The following ESPN variants were observed in gnomAD, a reference collection of about 807,000 sequenced individuals.
ESPN encodes the protein autosomal recessive deafness type 36 protein.
In ESPN, 68 loss-of-function variants were observed where a neutral mutation model predicts 77.7. That is an observed-to-expected ratio of 0.87 (90% CI 0.72 to 1.07). ESPN has a LOEUF of 1.07. Ranked by LOEUF, ESPN falls within the 50% of genes least tolerant of loss-of-function variation. The pLI, the probability that ESPN is intolerant of heterozygous loss-of-function variation, is 0.00. For missense variants in ESPN, 1,060 were observed against 1,239.0 expected, an observed-to-expected ratio of 0.86 and a Z score of 2.17; for synonymous variants, 449 against 567.1, an observed-to-expected ratio of 0.79 and a Z score of 2.96.
rs535284718 is a variant in ESPN at position 6,460,023 on chromosome 1, G to C, written c.2442G>C (p.Gln814His). The C allele has an allele frequency of 1.5e-5, 25 of 1,613,766 alleles. No homozygotes were observed. The highest frequency in any genetic ancestry group is 2.0e-5 in the Non-Finnish European group (24 of 1,180,042). Reference protein sequence around the residue: ...QKRKEEERQKQEELRREKEQS... With the variant: ...QKRKEEERQKHEELRREKEQS... ...GGAAAGAGGAGGAGCGACAGAAGCA[G>C]GAGGAGCTGCGGCGGGAGAAGGAAC... is the stretch of plus-strand genomic sequence containing the variant. The change falls in exon 13 of 13, where the codon CAG becomes CAC. Residue 814 changes from glutamine (Q) to histidine (H), a missense_variant. Physicochemically the swap from Gln to His is conservative, Grantham distance 24 (BLOSUM62 0). Around this residue, in one of 3 missense-constraint regions of ESPN, gnomAD observed 374 missense variants for 381.4 expected, o/e 0.98. Transcript: ENST00000645284.
Position 6,448,973 on chromosome 1 carries a change from C to T in ESPN, c.1797C>T (p.Pro599=). 2.8e-6 allele frequency: 4 copies of T among 1,409,394 alleles called. No individual in the cohort carries two copies. Among genetic ancestry groups the T allele is most frequent in the Non-Finnish European group, 3.7e-6 (4 of 1,080,146 alleles). The allele number at this position is 1,409,394 out of a possible 1,614,324, so 87.3% of individuals were successfully genotyped here. ...CGTCCAGGGAGCTGCCACCGCCGCC[C>T]CCACCGCCGCCGCCGCCCCTGCCGG... ...PKASRELPPP[P]PPPPPPLPEA... Residue 599 remains proline (P), a synonymous_variant, in exon 8 of 13, where the codon CCC becomes CCT. Transcript: ENST00000645284.
In ESPN at chr1:6,448,826, CGCCGGCTGCCCGCGCCTCG is replaced by C. The variant is rs1643896224; in HGVS notation, c.1654_1672del (p.Gly552LeufsTer88). On this transcript the variant is annotated frameshift_variant, in exon 8 of 13. Coordinates refer to ENST00000645284, the MANE Select transcript of ESPN (RefSeq NM_031475.3). LOFTEE classifies it high-confidence loss of function. Reference sequence around the variant, plus strand: ...AGGTGCGTGCCCGCCAGCCCGCGCGCGCCGGCTGCCCGCGCCTCGGCCCTGCCGCCCGCGGCTCACTCGA... The same window carrying C: ...AGGTGCGTGCCCGCCAGCCCGCGCGCGCCCTGCCGCCCGCGGCTCACTCGA... 1 of 1,238,670 alleles carries C rather than the reference CGCCGGCTGCCCGCGCCTCG, an allele frequency of 8.1e-7. No individual in the cohort carries two copies. 76.7% of individuals were successfully genotyped at this position (1,238,670 alleles called of 1,614,324 possible).
rs138942435 is a variant in ESPN at position 6,434,854 on chromosome 1, G to A, written c.489-5400G>A. On this transcript the variant is annotated intron_variant, in intron 2 of 12. Transcript: ENST00000645284. ...AATTGAGGGGTCAGGGAAGCCAGGT[G>A]TCTTTGAGGAGAGGAGAGCTGAGAC... 7.5e-3 allele frequency among the ~76,000 whole-genome samples: 1,142 copies of A among 152,292 alleles called. 14 individuals carry two copies. Among genetic ancestry groups the A allele is most frequent in the African/African-American group, 0.026 (1,086 of 41,552 alleles).
chr1:6,438,584 T>C (rs182518338), intron 2 of ESPN, among the ~76,000 whole-genome samples: 1 of 152,382 alleles, frequency 6.6e-6, no homozygotes, highest in East Asian at 1.9e-4. Context: ...CATGCCCATA[T>C]TGCCGGCCAG....
chr1:6,429,898 G>C (rs562916455), intron 2 of ESPN: 3 of 153,840 alleles, frequency 2.0e-5, no homozygotes, highest in African/African-American at 7.2e-5. Flanking sequence ...AGCCCCCCAG[G>C]AGTCACCATG....
chr1:6,444,034 G>A (rs573289129), intron 5 of ESPN, among the ~76,000 whole-genome samples: 66 of 152,352 alleles, frequency 4.3e-4, no homozygotes, highest in Non-Finnish European at 6.9e-4. Flanking sequence ...GAGACAGGCC[G>A]GGCTGGTGTT....
intron 5 of ESPN, among the ~76,000 whole-genome samples, chr1:6,442,835 T>A (rs1221395291): frequency 7.9e-6 from 1 of 126,938 alleles, no homozygotes; most frequent in Non-Finnish European, 1.6e-5. Context: ...GCCACTGCAC[T>A]CCAGCCTGGG....
chr1:6,458,323 CT>C (rs1244666137), intron 12 of ESPN, among the ~76,000 whole-genome samples: 2 of 145,622 alleles, frequency 1.4e-5, no homozygotes, highest in African/African-American at 2.5e-5. Flanking sequence ...TGGCTTTTTT[CT>C]TTTTTTTTGA....
chr1:6,425,346 G>A, intron 1 of ESPN, 97 bp downstream of exon 1: 3 of 1,407,366 alleles, frequency 2.1e-6, no homozygotes, highest in Non-Finnish European at 2.9e-6. Context: ...GTGGGGTTTG[G>A]CACCTCCTGG....
At chr1:6,432,515 T>C (rs2148508607) in intron 2 of ESPN, among the ~76,000 whole-genome samples, 1 of 152,294 alleles carries the variant, frequency 6.6e-6, no homozygotes, top group African/African-American at 2.4e-5. Context: ...GACCATCTCA[T>C]GTCTCCACCA....
downstream of ESPN, chr1:6,461,122 C>T: frequency 1.7e-6 from 1 of 594,952 alleles, no homozygotes; most frequent in Admixed American, 2.2e-5. The surrounding 1 kb of genome is among the most constrained non-coding windows in gnomAD (Gnocchi z 6.3). Context: ...CACTTAACAC[C>T]CCAGCCCCGC....
chr1:6,461,335 G>A (rs961919507), downstream of ESPN: 7 of 1,401,024 alleles, frequency 5.0e-6, no homozygotes, highest in East Asian at 2.5e-5. This position sits in a 1 kb window ranked among gnomAD's most constrained non-coding sequence, Gnocchi z 6.3. Context: ...CCGTGCCAGC[G>A]GCTTAATAAG....
In ESPN at chr1:6,424,808, G is replaced by C. The variant is rs1368370254; in HGVS notation, c.-148G>C. ...GGCGGAGCGGAGCGCCAGGCAGCGC[G>C]GAGCGGAGGCCAGGCCCACAGCCGC... On this transcript the variant is annotated 5_prime_UTR_variant, in exon 1 of 13. Transcript: ENST00000645284. 6.3e-6 allele frequency: 5 copies of C among 798,784 alleles called. No homozygotes were observed. Among genetic ancestry groups the C allele is most frequent in the Non-Finnish European group, 8.4e-6 (5 of 597,316 alleles). The allele number at this position is 798,784 out of a possible 1,614,324, so 49.5% of individuals were successfully genotyped here.
At position 6,440,613 on chromosome 1, in the gene ESPN, C is replaced by CCCCCCCCGGGGG; in HGVS notation, c.676-12_676-11insCCCCCCGGGGGC. On this transcript the variant is annotated splice_polypyrimidine_tract_variant and intron_variant, in intron 3 of 12. Transcript: ENST00000645284. ...CCAGCCCCCGCCCCCCTCTCCCCGC[C>CCCCCCCCGGGGG]CGTCCCGCCCAGGTGAGCTGCACCG... 2 of 1,449,286 alleles carry CCCCCCCCGGGGG rather than the reference C, an allele frequency of 1.4e-6. No homozygotes were observed. The highest frequency in any genetic ancestry group is 1.8e-6 in the Non-Finnish European group (2 of 1,083,356). 89.8% of individuals were successfully genotyped at this position (1,449,286 alleles called of 1,614,324 possible).
chr1:6,457,304 C>T, intron 11 of ESPN, 41 bp downstream of exon 11: 1 of 1,614,186 alleles, frequency 6.2e-7, no homozygotes. Context: ...GGCAGGGTGT[C>T]TTGACTGCGT....
chr1:6,452,332 G>A (rs756932180), intron 10 of ESPN, among the ~76,000 whole-genome samples: 4 of 152,074 alleles, frequency 2.6e-5, no homozygotes, highest in Non-Finnish European at 4.4e-5. Flanking sequence ...AGCCTCCCAG[G>A]TAGCTGGGAT....
intron 5 of ESPN, among the ~76,000 whole-genome samples, chr1:6,443,839 G>A (rs1392743194): frequency 2.6e-5 from 4 of 152,214 alleles, no homozygotes; most frequent in Admixed American, 2.6e-4. Flanking sequence ...CGGCAGCAGG[G>A]GCAGCATGGC....
Position 6,451,774 on chromosome 1 carries a change from G to C in ESPN, c.2061+26G>C, listed in dbSNP as rs746697097. 1.2e-6 allele frequency: 2 copies of C among 1,610,466 alleles called. No individual in the cohort carries two copies. Among genetic ancestry groups the C allele is most frequent in the Admixed American group, 1.7e-5 (1 of 59,682 alleles). ...GTAGGCGGGCCCAGCAGGAGCCTGC[G>C]ACCCGGCTTCCCTGGCCCTAGGCCA... On this transcript the variant is annotated intron_variant, in intron 9 of 12. Coordinates refer to ENST00000645284, the MANE Select transcript of ESPN (RefSeq NM_031475.3). This position sits in a 1 kb window ranked among gnomAD's most constrained non-coding sequence, Gnocchi z 4.3.
At chr1:6,455,790 G>A (rs1356125439) in intron 10 of ESPN, 2 of 398,866 alleles carry the variant, frequency 5.0e-6, no homozygotes, top group Non-Finnish European at 8.9e-6. Flanking sequence ...CGTGGTGCTG[G>A]AGGAGGTGGA....
Sources: allele counts gnomAD v4.1 joint callset (sites outside exome capture counted in the v4.1 genomes callset), GRCh38; gene constraint gnomAD v4.1.1; regional missense constraint gnomAD v4.1.1; non-coding constraint Gnocchi (gnomAD v3.1); transcripts MANE v1.5; gene names NCBI Gene and HGNC (gene_info 2026-07-23, HGNC 2026-07-21).